The following TPO variants were observed in gnomAD, a reference collection of about 807,000 sequenced individuals.
TPO encodes thyroid peroxidase.
Under a neutral mutation model 96.9 loss-of-function variants are expected in TPO, and 78 were observed. That is an observed-to-expected ratio of 0.81 (90% confidence interval 0.67 to 0.97). TPO has a LOEUF of 0.97. Ranked by LOEUF, TPO falls within the 50% of genes least tolerant of loss-of-function variation. The pLI, the probability that TPO is intolerant of heterozygous loss-of-function variation, is 0.00. For synonymous variants in TPO, 547 were observed against 538.0 expected (o/e 1.02, Z -0.23); for missense variants, 1,252 against 1,274.8 (o/e 0.98, Z 0.27).
At chr2:1,401,917 T>C (rs937535636) in intron 1 of TPO, among the ~76,000 whole-genome samples, 2 of 152,070 alleles carry the variant, frequency 1.3e-5, no homozygotes, top group Non-Finnish European at 2.9e-5. Flanking sequence ...GGGCACTGAG[T>C]GCCGCGAGCC....
At chr2:1,456,381 T>C in intron 7 of TPO, 99 bp downstream of exon 7, 1 of 1,317,424 alleles carries the variant, frequency 7.6e-7, no homozygotes, top group Non-Finnish European at 1.1e-6. Context: ...GTCTGTTTCT[T>C]TGTCCTATTC....
At chr2:1,522,946 T>C in intron 15 of TPO, among the ~76,000 whole-genome samples, 1 of 112,784 alleles carries the variant, frequency 8.9e-6, no homozygotes, top group Non-Finnish European at 1.8e-5. Context: ...CTGTGTAACC[T>C]CCCCAAATTC....
At chr2:1,405,085 G>A (rs568582361) in intron 1 of TPO, among the ~76,000 whole-genome samples, 7 of 89,570 alleles carry the variant, frequency 7.8e-5, no homozygotes, top group East Asian at 7.4e-4. Flanking sequence ...GTCATCCATC[G>A]GCCCATTCAC....
intron 7 of TPO, among the ~76,000 whole-genome samples, chr2:1,463,626 C>G (rs1668639128): frequency 6.6e-6 from 1 of 152,178 alleles, no homozygotes; most frequent in Admixed American, 6.5e-5. Flanking sequence ...ATCACTCAGC[C>G]CAGGGAGCTG....
chr2:1,481,430 G>A (rs1670630761), intron 8 of TPO, among the ~76,000 whole-genome samples: 1 of 152,140 alleles, frequency 6.6e-6, no homozygotes, highest in Admixed American at 6.5e-5. Flanking sequence ...CTATGCCCCG[G>A]CCATCAGATA....
At chr2:1,502,841 T>C (rs1265959166) in intron 13 of TPO, among the ~76,000 whole-genome samples, 1 of 152,232 alleles carries the variant, frequency 6.6e-6, no homozygotes, top group African/African-American at 2.4e-5. Flanking sequence ...GACATAATGA[T>C]ACCCATTCTG....
At chr2:1,401,990 G>A (rs531973490) in intron 1 of TPO, among the ~76,000 whole-genome samples, 2 of 152,318 alleles carry the variant, frequency 1.3e-5, no homozygotes, top group South Asian at 4.1e-4. Context: ...GACCCACGCA[G>A]GCTGTGTGAG....
chr2:1,517,104 C>A, intron 15 of TPO, 122 bp downstream of exon 15: 4 of 967,910 alleles, frequency 4.1e-6, no homozygotes, highest in African/African-American at 1.6e-5. Flanking sequence ...ATCTCAAAGG[C>A]ATTGATCTCA....
rs569821889 is a variant in TPO, at chr2:1,515,481, C to T, written c.2519-1402C>T. Among the ~76,000 whole-genome samples the T allele has an allele frequency of 2.6e-5, 4 of 152,278 alleles. No individual in the cohort carries two copies. The South Asian group carries it at 6.2e-4, about 24-fold the overall frequency. ...GGTGCAAAGGCTAAGAGGACAGGAT[C>T]GTTTTGGAGAAACAGTCAGGATGCG... On this transcript the variant is annotated intron_variant, in intron 14 of 16. Transcript: ENST00000329066.
chr2:1,451,710 A>G (rs1367361724), intron 5 of TPO, among the ~76,000 whole-genome samples: 2 of 152,164 alleles, frequency 1.3e-5, no homozygotes, highest in African/African-American at 2.4e-5. Context: ...ACAGATACCA[A>G]TGGAACCCGG....
intron 14 of TPO, among the ~76,000 whole-genome samples, chr2:1,514,214 C>T (rs1182596821): frequency 1.3e-5 from 2 of 152,174 alleles, no homozygotes; most frequent in African/African-American, 4.8e-5. Context: ...TTTTCCTCCA[C>T]TTCCTGCTCT....
In TPO at chr2:1,477,575, G is replaced by T; in HGVS notation, c.1309G>T (p.Ala437Ser). Residue 437 changes from alanine to serine, a missense_variant, in exon 8 of 17, where the codon GCG (alanine) becomes TCG (serine). Physicochemically the swap from Ala to Ser is moderately conservative, Grantham distance 99. Coordinates refer to ENST00000329066, the MANE Select transcript of TPO (RefSeq NM_001206744.2). ...GAGCGCGGACGCCGTGTACCAGGAG[G>T]CGCGCAAGGTCGTGGGCGCTCTGCA... ...HWSADAVYQE[A>S]RKVVGALHQI... is the part of the protein sequence containing the mutation. 1 of 1,537,572 alleles carries T rather than the reference G, an allele frequency of 6.5e-7. No individual in the cohort carries two copies.
chr2:1,485,495 T>G (rs572448101), intron 9 of TPO, among the ~76,000 whole-genome samples: 2 of 151,986 alleles, frequency 1.3e-5, no homozygotes, highest in Non-Finnish European at 2.9e-5. Context: ...TCTTCCACAA[T>G]GGTTGAACTA....
chr2:1,499,246 A>G (rs975509182), intron 13 of TPO, among the ~76,000 whole-genome samples: 4 of 151,482 alleles, frequency 2.6e-5, no homozygotes, highest in Non-Finnish European at 4.4e-5. Context: ...CTGACCTTCC[A>G]CCTGCCCTCT....
rs1573349567 is a variant in TPO, at chr2:1,477,351, C to T, written c.1085C>T (p.Ala362Val). The change falls in exon 8 of 17, where the codon GCC (alanine) becomes GTC (valine). Residue 362 changes from alanine to valine, a missense_variant. Ala to Val is a moderately conservative substitution (Grantham distance 64). Transcript: ENST00000329066. ...VHARLRDSGR[A>V]YLPFVPPRAP... is the part of the protein sequence containing the mutation. Reference sequence around the variant, plus strand: ...GCGCGCCTCCGGGACTCCGGCCGCGCCTACCTGCCCTTCGTGCCGCCACGC... The same window carrying T: ...GCGCGCCTCCGGGACTCCGGCCGCGTCTACCTGCCCTTCGTGCCGCCACGC... The T allele has an allele frequency of 6.5e-7, 1 of 1,546,436 alleles. No homozygotes were observed. Among genetic ancestry groups the T allele is most frequent in the Non-Finnish European group, 8.7e-7 (1 of 1,144,124 alleles).
At chr2:1,471,437 G>A (rs1192477059) in intron 7 of TPO, among the ~76,000 whole-genome samples, 3 of 148,946 alleles carry the variant, frequency 2.0e-5, no homozygotes, top group Non-Finnish European at 4.4e-5. Flanking sequence ...GTATTTTCCT[G>A]TGACCCCCCC....
At chr2:1,527,609 C>T (rs977068055) in intron 15 of TPO, among the ~76,000 whole-genome samples, 2 of 148,726 alleles carry the variant, frequency 1.3e-5, no homozygotes, top group African/African-American at 5.0e-5. Flanking sequence ...CTCTGTGCAA[C>T]CTCTCCAAGT....
chr2:1,407,095 G>A (rs952569487), intron 1 of TPO, among the ~76,000 whole-genome samples: 74 of 152,198 alleles, frequency 4.9e-4, no homozygotes, highest in Non-Finnish European at 2.5e-4. Context: ...AGGAAAATAT[G>A]GCAACACAGA....
chr2:1,526,668 CTG>C (rs1346287240), intron 15 of TPO, among the ~76,000 whole-genome samples: 1 of 124,702 alleles, frequency 8.0e-6, no homozygotes, highest in African/African-American at 3.2e-5. Context: ...ATCCCCCAAA[CTG>C]TGTTCATCCT....
Sources: gnomAD v4.1 joint callset for allele counts (sites outside exome capture counted in the v4.1 genomes callset) on GRCh38, gnomAD v4.1.1 for gene constraint, MANE v1.5 for transcripts, NCBI Gene and HGNC (gene_info 2026-07-23, HGNC 2026-07-21) for gene names.